Variants in C1QTNF3 observed in about 807,000 individuals in gnomAD.
The protein encoded by C1QTNF3 is C1q and TNF related 3.
In C1QTNF3, 26 loss-of-function variants were observed where a neutral mutation model predicts 32.6. The observed-to-expected ratio is 0.80, with a 90% CI of 0.58 to 1.11. The LOEUF is 1.11. C1QTNF3 is among the 50% of genes least tolerant of loss of function. C1QTNF3 has a pLI of 0.00. For synonymous variants in C1QTNF3, 155 were observed against 146.0 expected, an observed-to-expected ratio of 1.06 and a Z score of -0.44; for missense variants, 362 against 398.2, an observed-to-expected ratio of 0.91 and a Z score of 0.77.
the C1QTNF3 span, among the ~76,000 whole-genome samples, chr5:34,219,706 A>G: frequency 6.6e-6 from 1 of 152,162 alleles, no homozygotes; most frequent in Non-Finnish European, 1.5e-5. Context: ...CATTTAACCA[A>G]TATTTTGATA....
chr5:34,030,466 A>T (rs1055879566), intron 3 of C1QTNF3, among the ~76,000 whole-genome samples: 1 of 152,184 alleles, frequency 6.6e-6, no homozygotes, highest in African/African-American at 2.4e-5. Flanking sequence ...TTGGGCCTCA[A>T]ATTTCTATAT....
the C1QTNF3 span, among the ~76,000 whole-genome samples, chr5:34,236,563 C>CTTATTTTTTTTTTT: frequency 2.2e-5 from 1 of 45,308 alleles, no homozygotes; most frequent in Non-Finnish European, 6.3e-5. Context: ...TTTCTTTTTT[C>CTTATTTTTTTTTTT]TTTTTTCTTT....
the C1QTNF3 span, among the ~76,000 whole-genome samples, chr5:34,183,322 A>ATTTTT: frequency 1.6e-3 from 208 of 127,968 alleles, 2 homozygotes; most frequent in African/African-American, 1.8e-3. Flanking sequence ...TAATTTTTTA[A>ATTTTT]TTTTCTTTTT....
the C1QTNF3 span, among the ~76,000 whole-genome samples, chr5:34,153,853 T>TAATAAAA: frequency 1.2e-4 from 4 of 32,844 alleles, no homozygotes; most frequent in African/African-American, 3.7e-4. Context: ...ACTTAGAGTA[T>TAATAAAA]AAAAAAAAAA....
the C1QTNF3 span, chr5:34,193,039 G>T: frequency 1.4e-6 from 1 of 713,916 alleles, no homozygotes; most frequent in East Asian, 2.7e-5. Context: ...CTGCCAGCTG[G>T]CCCTCAGTTC....
the C1QTNF3 span, among the ~76,000 whole-genome samples, chr5:34,053,598 C>T: frequency 6.6e-5 from 10 of 152,192 alleles, no homozygotes; most frequent in African/African-American, 1.2e-4. Context: ...TGCACCTAAC[C>T]GGCATGTGTA....
At chr5:34,160,768 TG>T in the C1QTNF3 span, among the ~76,000 whole-genome samples, 1 of 151,980 alleles carries the variant, frequency 6.6e-6, no homozygotes, top group Non-Finnish European at 1.5e-5. Flanking sequence ...AAATAATCCC[TG>T]ACCCATGACA....
At chr5:34,055,078 A>C in the C1QTNF3 span, among the ~76,000 whole-genome samples, 3 of 152,232 alleles carry the variant, frequency 2.0e-5, no homozygotes, top group Admixed American at 2.0e-4. Flanking sequence ...AAGGTTCCAC[A>C]CAGGAAACTA....
chr5:34,177,853 G>A, the C1QTNF3 span, among the ~76,000 whole-genome samples: 1 of 151,834 alleles, frequency 6.6e-6, no homozygotes, highest in Non-Finnish European at 1.5e-5. Context: ...AAACTCCTGG[G>A]CTCAAGAGAT....
the C1QTNF3 span, among the ~76,000 whole-genome samples, chr5:34,239,201 A>C: frequency 2.6e-5 from 4 of 152,036 alleles, no homozygotes; most frequent in Admixed American, 2.0e-4. Context: ...ACTTAAGTAC[A>C]TAGCTCACAG....
chr5:34,135,506 C>G, the C1QTNF3 span, among the ~76,000 whole-genome samples: 13 of 152,206 alleles, frequency 8.5e-5, no homozygotes, highest in African/African-American at 3.1e-4. Flanking sequence ...AACAGCTCCT[C>G]TTTGTACCTC....
the C1QTNF3 span, among the ~76,000 whole-genome samples, chr5:34,189,733 G>C: frequency 6.6e-6 from 1 of 152,308 alleles, no homozygotes; most frequent in African/African-American, 2.4e-5. Context: ...CCAAGGCCGA[G>C]GACCTGCGAG....
chr5:34,197,819 C>G, the C1QTNF3 span, among the ~76,000 whole-genome samples: 2 of 152,040 alleles, frequency 1.3e-5, no homozygotes, highest in East Asian at 1.9e-4. Context: ...CTGGATGGTG[C>G]AAAATCAAGG....
the C1QTNF3 span, among the ~76,000 whole-genome samples, chr5:34,064,397 G>C: frequency 1.3e-5 from 2 of 152,146 alleles, no homozygotes; most frequent in African/African-American, 4.8e-5. Context: ...CTCTGACCTG[G>C]GGTTCTTGGC....
intron 4 of C1QTNF3, among the ~76,000 whole-genome samples, chr5:34,027,053 A>T (rs1313006952): frequency 1.3e-5 from 2 of 152,218 alleles, no homozygotes; most frequent in African/African-American, 4.8e-5. Flanking sequence ...ATTTATTTTT[A>T]TAATTGCACT....
Position 34,042,987 on chromosome 5 carries a change from T to A in C1QTNF3, c.139A>T (p.Thr47Ser). Residue 47 changes from threonine to serine, a missense_variant, in exon 1 of 6, where the codon ACT (threonine) becomes TCT (serine). Thr to Ser is a moderately conservative substitution (Grantham distance 58). Coordinates refer to ENST00000382065, the MANE Select transcript of C1QTNF3 (RefSeq NM_181435.6). The stretch of plus-strand genomic sequence containing the variant: ...TCCCTCCTGGAGCCGCTACGGCCAG[T>A]CTGCTGGTGGCTTTGCACTATTCTT... ...VARIVQSHQQTGRSGSRREKV... is the reference protein window; with the variant it reads ...VARIVQSHQQSGRSGSRREKV... 1 of 1,614,232 alleles carries A rather than the reference T, an allele frequency of 6.2e-7. No individual in the cohort carries two copies. Among genetic ancestry groups the A allele is most frequent in the East Asian group, 2.2e-5 (1 of 44,880 alleles).
chr5:34,020,578 TA>T lies in C1QTNF3; in HGVS notation c.*4del. On this transcript the variant is annotated 3_prime_UTR_variant, in exon 6 of 6. Transcript: ENST00000382065. ...CCCCAAAGTGGAGCTATTCTAGTCA[TA>T]TATTTACTTAGTTTCAAAGAGCAGG... The T allele has an allele frequency of 6.2e-7, 1 of 1,613,746 alleles. No homozygotes were observed. Among genetic ancestry groups the T allele is most frequent in the Non-Finnish European group, 8.5e-7 (1 of 1,179,684 alleles).
At chr5:34,031,892 A>T (rs1316339598) in intron 3 of C1QTNF3, among the ~76,000 whole-genome samples, 4 of 152,180 alleles carry the variant, frequency 2.6e-5, no homozygotes, top group Non-Finnish European at 5.9e-5. Context: ...TAACTATTCA[A>T]GCTATTTTAA....
chr5:34,154,176 G>A, the C1QTNF3 span, among the ~76,000 whole-genome samples: 170 of 152,126 alleles, frequency 1.1e-3, 1 homozygote, highest in African/African-American at 3.7e-3. Context: ...AGTAATCATC[G>A]GAAATTGAAA....
Sources: allele counts gnomAD v4.1 joint callset (sites outside exome capture counted in the v4.1 genomes callset), GRCh38; gene constraint gnomAD v4.1.1; transcripts MANE v1.5; gene names NCBI Gene and HGNC (gene_info 2026-07-23, HGNC 2026-07-21).